The following TMEM135 variants were observed in gnomAD, a reference collection of about 807,000 sequenced individuals.
TMEM135 encodes peroxisomal membrane protein 52.
TMEM135 carries 30 observed loss-of-function variants against 60.3 expected under a neutral mutation model. The observed-to-expected ratio is 0.50, with a 90% CI of 0.37 to 0.68. The LOEUF (loss-of-function observed/expected upper bound fraction) is 0.68. Among genes scored for constraint, TMEM135 ranks in the 30% least tolerant of loss-of-function variants. The pLI is 0.00. For synonymous variants in TMEM135, 190 were observed against 186.7 expected (o/e 1.02, Z -0.14); for missense variants, 468 against 548.8 (o/e 0.85, Z 1.47).
At chr11:87,110,226 A>C (rs79256427) in intron 4 of TMEM135, among the ~76,000 whole-genome samples, 274 of 152,324 alleles carry the variant, frequency 1.8e-3, no homozygotes, top group Middle Eastern at 0.014. Context: ...GGATATAGAT[A>C]GTTTTCCAAC....
At chr11:87,192,730 C>T (rs1049651251) in intron 5 of TMEM135, among the ~76,000 whole-genome samples, 1 of 152,076 alleles carries the variant, frequency 6.6e-6, no homozygotes, top group Non-Finnish European at 1.5e-5. Context: ...TTTATAAAGG[C>T]TGGTACAAAT....
intron 12 of TMEM135, 143 bp from the exon 13 acceptor site, chr11:87,317,994 C>A: frequency 1.5e-6 from 1 of 683,424 alleles, no homozygotes; most frequent in East Asian, 2.7e-5. Flanking sequence ...CCCTTAACAT[C>A]ATTATGAAAA....
chr11:87,100,204 A>G (rs557602361), intron 4 of TMEM135, among the ~76,000 whole-genome samples: 1 of 152,322 alleles, frequency 6.6e-6, no homozygotes, highest in African/African-American at 2.4e-5. Flanking sequence ...CAAAACTTTA[A>G]TGAGATCAAA....
chr11:87,321,574 A>T lies in TMEM135; in HGVS notation c.*241A>T. The T allele has an allele frequency of 1.6e-6, 1 of 643,572 alleles. No individual in the cohort carries two copies. The highest frequency in any genetic ancestry group is 1.5e-5 in the South Asian group (1 of 65,966). The allele number at this position is 643,572 out of a possible 1,614,324, so 39.9% of individuals were successfully genotyped here. The stretch of plus-strand genomic sequence containing the variant: ...CTGGATCACTGTAGTGACTGACATT[A>T]TATATTATTGATCAAATTATGTCCA... On this transcript the variant is annotated 3_prime_UTR_variant, in exon 15 of 15. Coordinates refer to ENST00000305494, the MANE Select transcript of TMEM135 (RefSeq NM_022918.4).
At chr11:87,224,480 T>A (rs976759111) in intron 5 of TMEM135, among the ~76,000 whole-genome samples, 1 of 152,230 alleles carries the variant, frequency 6.6e-6, no homozygotes, top group African/African-American at 2.4e-5. Context: ...TAAAGTAATC[T>A]AGAAGCTCTT....
intron 4 of TMEM135, among the ~76,000 whole-genome samples, chr11:87,099,100 T>G (rs188078032): frequency 1.9e-3 from 294 of 152,268 alleles, no homozygotes; most frequent in Non-Finnish European, 2.9e-3. Context: ...TTTTAGTGTA[T>G]TTTTTTAGAC....
intron 5 of TMEM135, among the ~76,000 whole-genome samples, chr11:87,225,940 T>G (rs573093971): frequency 3.9e-5 from 6 of 152,302 alleles, no homozygotes; most frequent in African/African-American, 1.4e-4. Flanking sequence ...CCTCCTCTTT[T>G]CTTTTTCTCC....
chr11:87,072,628 G>A (rs1014876447), intron 3 of TMEM135, among the ~76,000 whole-genome samples: 1 of 151,886 alleles, frequency 6.6e-6, no homozygotes, highest in African/African-American at 2.4e-5. Flanking sequence ...TGATCCGCCC[G>A]CCTTGGCCTC....
Position 87,327,903 on chromosome 11 carries a change from T to C in TMEM135, c.*6570T>C. The C allele has an allele frequency of 2.2e-6, 1 of 454,016 alleles. No homozygotes were observed. The highest frequency in any genetic ancestry group is 4.4e-6 in the Non-Finnish European group (1 of 226,754). The allele number at this position is 454,016 out of a possible 1,614,324, so 28.1% of individuals were successfully genotyped here. ...AGAAGCCAATTCTCCTTTCTTCTGT[T>C]TTTATTCTACCCAGGCCTCCAGTGG... On this transcript the variant is annotated 3_prime_UTR_variant, in exon 15 of 15. Transcript: ENST00000305494.
rs1428280020 is a variant in TMEM135 at position 87,061,134 on chromosome 11, A to C, written c.142-6560A>C. ...GGTATATAGGATGGTGCCTGGCACA[A>C]GTGCTATATAAGCATTTTTTTTAAA... On this transcript the variant is annotated intron_variant, in intron 1 of 14. Coordinates refer to ENST00000305494, the MANE Select transcript of TMEM135 (RefSeq NM_022918.4). Among the ~76,000 whole-genome samples the C allele has an allele frequency of 2.0e-5, 3 of 152,238 alleles. No individual in the cohort carries two copies. The East Asian group carries it at 5.8e-4, about 29-fold the overall frequency.
chr11:87,136,143 T>C (rs487678), intron 4 of TMEM135, among the ~76,000 whole-genome samples: 72,167 of 151,736 alleles, frequency 0.48, 17,474 homozygotes, highest in East Asian at 0.67. Context: ...GTATCCTCTA[T>C]ATAGATGAAC....
intron 5 of TMEM135, among the ~76,000 whole-genome samples, chr11:87,176,102 G>T (rs960679987): frequency 6.6e-6 from 1 of 152,148 alleles, no homozygotes; most frequent in Non-Finnish European, 1.5e-5. Context: ...CAAACCTCAT[G>T]TTGAAATTTG....
At position 87,325,856 on chromosome 11, in the gene TMEM135, G is replaced by A. The variant is rs1027374662; in HGVS notation, c.*4523G>A. The A allele has an allele frequency of 4.4e-6, 2 of 453,842 alleles. No individual in the cohort carries two copies. Among genetic ancestry groups the A allele is most frequent in the South Asian group, 1.6e-5 (1 of 64,460 alleles). The allele number at this position is 453,842 out of a possible 1,614,324, so 28.1% of individuals were successfully genotyped here. On this transcript the variant is annotated 3_prime_UTR_variant, in exon 15 of 15. Transcript: ENST00000305494. Reference sequence around the variant, plus strand: ...AAACCCCGTAACATCACTTGACTCTGGAATTTCCTATTTTCTTTTACTTTC... The same window carrying A: ...AAACCCCGTAACATCACTTGACTCTAGAATTTCCTATTTTCTTTTACTTTC...
At chr11:87,307,956 T>G (rs762351028) in intron 9 of TMEM135, among the ~76,000 whole-genome samples, 2 of 152,232 alleles carry the variant, frequency 1.3e-5, no homozygotes, top group Non-Finnish European at 2.9e-5. Flanking sequence ...TCATTCTAGC[T>G]TCTTCTCTTT....
intron 5 of TMEM135, among the ~76,000 whole-genome samples, chr11:87,194,237 G>A (rs1939881050): frequency 6.6e-6 from 1 of 151,932 alleles, no homozygotes; most frequent in South Asian, 2.1e-4. Flanking sequence ...GAAGTGCTGG[G>A]AAAGCTGCTG....
intron 4 of TMEM135, among the ~76,000 whole-genome samples, chr11:87,099,656 A>G (rs900473381): frequency 1.6e-5 from 2 of 124,034 alleles, no homozygotes; most frequent in Admixed American, 1.6e-4. Context: ...TGCTGGGTTT[A>G]TATTGTGGTT....
At chr11:87,119,181 A>G (rs1466464365) in intron 4 of TMEM135, among the ~76,000 whole-genome samples, 1 of 152,192 alleles carries the variant, frequency 6.6e-6, no homozygotes, top group African/African-American at 2.4e-5. Context: ...AAAGTGAAAG[A>G]CATACATCTC....
At chr11:87,244,920 C>G (rs1941228279) in intron 6 of TMEM135, among the ~76,000 whole-genome samples, 4 of 151,402 alleles carry the variant, frequency 2.6e-5, no homozygotes, top group South Asian at 4.2e-4. Flanking sequence ...TCTTGCTTTT[C>G]TAGTTCTTTT....
intron 5 of TMEM135, among the ~76,000 whole-genome samples, chr11:87,223,698 A>AC (rs1565492145): frequency 3.6e-5 from 5 of 140,764 alleles, no homozygotes; most frequent in African/African-American, 1.2e-4. Flanking sequence ...CACACACACA[A>AC]AATTAGCTGG....
Sources: allele counts gnomAD v4.1 joint callset (sites outside exome capture counted in the v4.1 genomes callset), GRCh38; gene constraint gnomAD v4.1.1; transcripts MANE v1.5; gene names NCBI Gene and HGNC (gene_info 2026-07-23, HGNC 2026-07-21).